ADGRE3: variants seen among roughly 807,000 people sequenced by gnomAD.
ADGRE3 encodes EGF-like module receptor 3.
In ADGRE3, 88 loss-of-function variants were observed where a neutral mutation model predicts 80.1. The observed-to-expected ratio is 1.10, with a 90% CI of 0.93 to 1.31. The LOEUF is 1.31. Among genes scored for constraint, ADGRE3 ranks in the 40% most tolerant of loss-of-function variants. The probability of loss-of-function intolerance (pLI) is 0.00; values close to 1 mark genes in which losing one functional copy is unlikely to be tolerated. For synonymous variants in ADGRE3, 281 were observed against 294.8 expected (o/e 0.95, Z 0.48); for missense variants, 715 against 776.5 (o/e 0.92, Z 0.94).
At chr19:14,637,644 T>G (rs1256813395) in intron 11 of ADGRE3, among the ~76,000 whole-genome samples, 1 of 151,930 alleles carries the variant, frequency 6.6e-6, no homozygotes, top group African/African-American at 2.4e-5. Context: ...CAAGTGATCC[T>G]CCTGTCTGGG....
At chr19:14,617,344 T>TCTCTCTCTCTCTTTCTCTCTTTCTC (rs774654059), downstream of ADGRE3, among the ~76,000 whole-genome samples, 836 of 49,316 alleles carry the variant, frequency 0.017, 12 homozygotes, top group Non-Finnish European at 0.02. Flanking sequence ...CTCCCTCCCT[T>TCTCTCTCTCTCTTTCTCTCTTTCTC]TCTTTCTTTC....
At chr19:14,615,863 A>G (rs972355989), downstream of ADGRE3, among the ~76,000 whole-genome samples, 1 of 152,136 alleles carries the variant, frequency 6.6e-6, no homozygotes, top group Non-Finnish European at 1.5e-5. Context: ...GGGTTCAAGC[A>G]ATCCTCCCGC....
At chr19:14,672,948 T>C (rs1972294578) in intron 1 of ADGRE3, among the ~76,000 whole-genome samples, 1 of 152,140 alleles carries the variant, frequency 6.6e-6, no homozygotes, top group Non-Finnish European at 1.5e-5. Context: ...GCTCATATCA[T>C]CACCCTTGCC....
At chr19:14,626,466 T>C (rs1489732185) in intron 14 of ADGRE3, among the ~76,000 whole-genome samples, 1 of 151,610 alleles carries the variant, frequency 6.6e-6, no homozygotes, top group Non-Finnish European at 1.5e-5. Flanking sequence ...AAAGAAAAAA[T>C]AGAAAATGTA....
chr19:14,664,291 G>A (rs1219972872), intron 2 of ADGRE3, among the ~76,000 whole-genome samples: 2 of 152,058 alleles, frequency 1.3e-5, no homozygotes, highest in Admixed American at 1.3e-4. Flanking sequence ...TACAAAATTA[G>A]CCAGGCGTAG....
chr19:14,643,992 T>C, intron 9 of ADGRE3, 116 bp downstream of exon 9: 1 of 622,496 alleles, frequency 1.6e-6, no homozygotes, highest in Middle Eastern at 4.9e-4. Context: ...ATTAAAGGCA[T>C]GAGTCACCAT....
intron 2 of ADGRE3, among the ~76,000 whole-genome samples, chr19:14,665,342 C>T (rs1195916488): frequency 2.0e-5 from 3 of 151,886 alleles, no homozygotes; most frequent in South Asian, 2.1e-4. Context: ...GGATTACAGG[C>T]GTGAGCTACT....
At chr19:14,604,294 G>C in the ADGRE3 span, among the ~76,000 whole-genome samples, 2 of 152,040 alleles carry the variant, frequency 1.3e-5, no homozygotes, top group Admixed American at 6.6e-5. Context: ...TGAGATACCA[G>C]ATTCTTCTCT....
chr19:14,670,851 A>G (rs1972235879), intron 1 of ADGRE3, among the ~76,000 whole-genome samples: 1 of 152,224 alleles, frequency 6.6e-6, no homozygotes, highest in African/African-American at 2.4e-5. Context: ...CTGATAACCC[A>G]TTACACCACA....
chr19:14,615,282 A>T (rs551940923), downstream of ADGRE3, among the ~76,000 whole-genome samples: 3 of 129,088 alleles, frequency 2.3e-5, no homozygotes, highest in South Asian at 7.1e-4. Context: ...ATCTTGGCTC[A>T]CTGCAACTTC....
At position 14,619,409 on chromosome 19, in the gene ADGRE3, C is replaced by T; in HGVS notation, c.*24G>A. On this transcript the variant is annotated 3_prime_UTR_variant, in exon 16 of 16. Coordinates refer to ENST00000253673, the MANE Select transcript of ADGRE3 (RefSeq NM_032571.5). ...AAAGAGATCCATGGATATGATTTTCCATATGGAGTTGAATATTCTAGTTTT... is the reference window on the plus strand; with the variant it reads ...AAAGAGATCCATGGATATGATTTTCTATATGGAGTTGAATATTCTAGTTTT... 1 of 1,497,370 alleles carries T rather than the reference C, an allele frequency of 6.7e-7. No individual in the cohort carries two copies. Among genetic ancestry groups the T allele is most frequent in the Non-Finnish European group, 9.3e-7 (1 of 1,075,038 alleles). 92.8% of individuals were successfully genotyped at this position (1,497,370 alleles called of 1,614,324 possible).
intron 2 of ADGRE3, 71 bp downstream of exon 2, chr19:14,668,731 C>G (rs770011679): frequency 1.5e-6 from 2 of 1,341,866 alleles, no homozygotes; most frequent in Non-Finnish European, 1.1e-6. Flanking sequence ...CTCCAGCCCA[C>G]TGGAGACCAT....
rs749553082 is a variant in ADGRE3, at chr19:14,668,859, T to C, written c.26-7A>G. ...CTCAGCAGAAAGCAGAGGCCTGGAA[T>C]AGATGGGAAACAGAAGGGAGAGACA... On this transcript the variant is annotated splice_region_variant and splice_polypyrimidine_tract_variant and intron_variant, in intron 1 of 15. Coordinates refer to ENST00000253673, the MANE Select transcript of ADGRE3 (RefSeq NM_032571.5). 1.2e-6 allele frequency: 2 copies of C among 1,613,898 alleles called. No homozygotes were observed. Among genetic ancestry groups the C allele is most frequent in the Middle Eastern group, 1.6e-4 (1 of 6,062 alleles).
At chr19:14,650,455 C>T (rs1240173281) in intron 7 of ADGRE3, among the ~76,000 whole-genome samples, 1 of 148,770 alleles carries the variant, frequency 6.7e-6, no homozygotes, top group East Asian at 2.0e-4. Context: ...TCTCTTTCCA[C>T]ATCTCTCTCC....
chr19:14,655,300 T>C (rs892074315), intron 5 of ADGRE3, 135 bp from the exon 6 acceptor site: 4 of 712,534 alleles, frequency 5.6e-6, no homozygotes, highest in Non-Finnish European at 6.8e-6. Context: ...CACTTCATCA[T>C]GTCCCAGCTT....
At chr19:14,631,550 CAT>C (rs1474106889) in intron 13 of ADGRE3, among the ~76,000 whole-genome samples, 1 of 150,720 alleles carries the variant, frequency 6.6e-6, no homozygotes, top group East Asian at 1.9e-4. Flanking sequence ...ACTATCACAA[CAT>C]ATAATCACAA....
In ADGRE3 at chr19:14,650,642, TCTCTCTCTCTC is replaced by T. The variant is rs1568490881; in HGVS notation, c.697+432_697+442del. Among the ~76,000 whole-genome samples the T allele has an allele frequency of 2.2e-3, 192 of 87,378 alleles. 3 individuals carry two copies. The highest frequency in any genetic ancestry group is 5.9e-3 in the African/African-American group (177 of 29,764). The allele number at this position is 87,378 out of a possible 152,430, so 57.3% of individuals were successfully genotyped here. A position where few individuals can be genotyped will look rare whatever the true frequency, so the allele number is the denominator to read the frequency against. On this transcript the variant is annotated intron_variant, in intron 7 of 15. Coordinates refer to ENST00000253673, the MANE Select transcript of ADGRE3 (RefSeq NM_032571.5). ...CTCTCTGTCTCCATCTCTCTCTCTCTCTCTCTCTCTCTCTCTCTCTCTCTCTCTCTCTCTCT... is the reference window on the plus strand; with the variant it reads ...CTCTCTGTCTCCATCTCTCTCTCTCTTCTCTCTCTCTCTCTCTCTCTCTCT...
At chr19:14,673,515 C>T (rs1248881971) in intron 1 of ADGRE3, among the ~76,000 whole-genome samples, 1 of 152,102 alleles carries the variant, frequency 6.6e-6, no homozygotes, top group East Asian at 1.9e-4. Flanking sequence ...AGTAAGGATC[C>T]TGTGGGAGGA....
chr19:14,660,870 G>T (rs1316292965), intron 4 of ADGRE3, among the ~76,000 whole-genome samples: 1 of 150,492 alleles, frequency 6.6e-6, no homozygotes, highest in African/African-American at 2.4e-5. Context: ...AGAGTCAACT[G>T]ATCTCTCTTT....
Sources: gnomAD v4.1 joint callset for allele counts (sites outside exome capture counted in the v4.1 genomes callset) on GRCh38, gnomAD v4.1.1 for gene constraint, MANE v1.5 for transcripts, NCBI Gene and HGNC (gene_info 2026-07-23, HGNC 2026-07-21) for gene names.